The following ALG14 variants were observed in gnomAD, a reference collection of about 807,000 sequenced individuals.
ALG14 encodes UDP-N-acetylglucosamine transferase subunit ALG14.
ALG14 carries 17 observed loss-of-function variants against 22.8 expected under a neutral mutation model. The observed-to-expected ratio is 0.75, with a 90% CI of 0.51 to 1.12. The LOEUF (loss-of-function observed/expected upper bound fraction) is 1.12, where lower values mean the gene tolerates loss of function less well. Among genes scored for constraint, ALG14 ranks in the 50% most tolerant of loss-of-function variants. The pLI, the probability that ALG14 is intolerant of heterozygous loss-of-function variation, is 0.00. For missense variants in ALG14, 288 were observed against 271.8 expected (o/e 1.06, Z -0.42); for synonymous variants, 89 against 103.7 (o/e 0.86, Z 0.86).
At chr1:94,992,122 T>A (rs888995725) in intron 3 of ALG14, among the ~76,000 whole-genome samples, 2 of 152,102 alleles carry the variant, frequency 1.3e-5, no homozygotes, top group African/African-American at 4.8e-5. Flanking sequence ...GAGTACACTA[T>A]AAAATAATGA....
At chr1:95,043,564 C>A (rs1356050860) in intron 2 of ALG14, among the ~76,000 whole-genome samples, 2 of 152,160 alleles carry the variant, frequency 1.3e-5, no homozygotes, top group Non-Finnish European at 2.9e-5. Flanking sequence ...AGAACTAGTG[C>A]AGGTCAGCGG....
At chr1:94,994,675 G>A (rs1205531392) in intron 3 of ALG14, among the ~76,000 whole-genome samples, 2 of 152,152 alleles carry the variant, frequency 1.3e-5, no homozygotes, top group African/African-American at 4.8e-5. Context: ...TGAAGATTAG[G>A]CCAGGGTTCT....
Position 95,064,940 on chromosome 1 carries a change from C to T in ALG14, c.214G>A (p.Asp72Asn). 1 of 1,613,946 alleles carries T rather than the reference C, an allele frequency of 6.2e-7. No individual in the cohort carries two copies. The highest frequency in any genetic ancestry group is 2.2e-5 in the East Asian group (1 of 44,884). Residue 72 changes from aspartate (D) to asparagine (N), a missense_variant, in exon 2 of 4, where the codon GAC becomes AAC. By Grantham distance (23) the Asp-to-Asn change is conservative. Coordinates refer to ENST00000370205, the MANE Select transcript of ALG14 (RefSeq NM_144988.4). Reference sequence around the variant, plus strand: ...TTATTGGCACTCATTTCATCAGTGTCAGCAATGACATAATGTCTAGGTGAG... The same window carrying T: ...TTATTGGCACTCATTTCATCAGTGTTAGCAATGACATAATGTCTAGGTGAG... ...AYSPRHYVIA[D>N]TDEMSANKIN...
chr1:95,060,318 C>T (rs1182283140), intron 2 of ALG14, among the ~76,000 whole-genome samples: 2 of 151,068 alleles, frequency 1.3e-5, no homozygotes, highest in Non-Finnish European at 2.9e-5. Context: ...TTCTCTCTAA[C>T]AGTGGCTGCA....
chr1:95,042,305 T>TAC (rs34055488), intron 2 of ALG14, among the ~76,000 whole-genome samples: 6,064 of 150,276 alleles, frequency 0.04, 166 homozygotes, highest in African/African-American at 0.087. Context: ...GATTTAAACA[T>TAC]ACACACACAC....
rs189101030 is a variant in ALG14 at position 95,018,693 on chromosome 1, C to A, written c.420+8436G>T. On this transcript the variant is annotated intron_variant, in intron 3 of 3. Transcript: ENST00000370205. ...AGAGAGCAGGAAATTCACCCCCTAC[C>A]TTCTCCCAACCTCCAGCCCCTCCCA... Among the ~76,000 whole-genome samples the A allele has an allele frequency of 3.2e-4, 49 of 151,280 alleles. No individual in the cohort carries two copies. The East Asian group carries it at 6.4e-3, about 20-fold the overall frequency.
intron 2 of ALG14, among the ~76,000 whole-genome samples, chr1:95,061,383 CA>C (rs1387229100): frequency 2.6e-5 from 4 of 152,042 alleles, no homozygotes; most frequent in Non-Finnish European, 5.9e-5. Context: ...ATTTATATAC[CA>C]ATCTTGTTTG....
chr1:95,064,980 G>A lies in ALG14; in HGVS notation c.174C>T (p.Ser58=). The A allele has an allele frequency of 6.2e-7, 1 of 1,613,412 alleles. No individual in the cohort carries two copies. Among genetic ancestry groups the A allele is most frequent in the Non-Finnish European group, 8.5e-7 (1 of 1,179,624 alleles). The change falls in exon 2 of 4, where the codon AGC becomes AGT. Residue 58 remains serine, a synonymous_variant. Transcript: ENST00000370205. Reference sequence around the variant, plus strand: ...GTCTAGGTGAGTAGGCATTGGACAAGCTCCCAAGCAGCCTCAGGATCTCAG... The same window carrying A: ...GTCTAGGTGAGTAGGCATTGGACAAACTCCCAAGCAGCCTCAGGATCTCAG... ...HTTEILRLLG[S]LSNAYSPRHY...
chr1:95,002,246 G>A (rs570056218), intron 3 of ALG14, among the ~76,000 whole-genome samples: 2 of 150,880 alleles, frequency 1.3e-5, no homozygotes, highest in African/African-American at 4.9e-5. Flanking sequence ...TAAGTACCTG[G>A]GGGGGGGAAC....
chr1:95,063,708 G>A (rs1385644493), intron 2 of ALG14, among the ~76,000 whole-genome samples: 2 of 152,166 alleles, frequency 1.3e-5, no homozygotes, highest in Non-Finnish European at 1.5e-5. Context: ...TTTGAAGTCA[G>A]GTAGCATGAT....
chr1:95,021,394 C>T (rs1182468039), intron 3 of ALG14, among the ~76,000 whole-genome samples: 1 of 152,212 alleles, frequency 6.6e-6, no homozygotes, highest in Non-Finnish European at 1.5e-5. Context: ...TCCCTACTGA[C>T]TCTAGTTACA....
chr1:94,985,617 A>C (rs72720237), intron 3 of ALG14, among the ~76,000 whole-genome samples: 12,231 of 152,298 alleles, frequency 0.08, 519 homozygotes, highest in African/African-American at 0.11. Context: ...TCTTTAAAAA[A>C]ATGCACAAAT....
chr1:95,025,706 C>G (rs901335364), intron 3 of ALG14, among the ~76,000 whole-genome samples: 3 of 152,222 alleles, frequency 2.0e-5, no homozygotes, highest in Non-Finnish European at 4.4e-5. Context: ...GATGGCTTCT[C>G]TCCTTAAGTC....
chr1:94,983,116 T>C lies in ALG14; in HGVS notation c.611A>G (p.Glu204Gly), dbSNP rs3198368. The C allele has an allele frequency of 3.7e-6, 6 of 1,614,092 alleles. No individual in the cohort carries two copies. The highest frequency in any genetic ancestry group is 3.4e-6 in the Non-Finnish European group (4 of 1,180,038). Residue 204 changes from glutamate to glycine, a missense_variant, in exon 4 of 4, where the codon GAA becomes GGA. Transcript: ENST00000370205. ...YFIVQWPALKEKYPKSVYLGR... is the reference protein window; with the variant it reads ...YFIVQWPALKGKYPKSVYLGR... ...AAGGTACACCGATTTGGGATACTTT[T>C]CTTTCAGAGCCGGCCACTGAACAAT...
At position 95,037,034 on chromosome 1, in the gene ALG14, T is replaced by C. The variant is rs567239467; in HGVS notation, c.289-9774A>G. ...TTACCTCCAGAAGCTTCTCCTTGCC[T>C]GGTGGTCTGAGACTTCAGGGAAAAA... On this transcript the variant is annotated intron_variant, in intron 2 of 3. Coordinates refer to ENST00000370205, the MANE Select transcript of ALG14 (RefSeq NM_144988.4). 1.2e-3 allele frequency among the ~76,000 whole-genome samples: 186 copies of C among 152,328 alleles called. 2 individuals are homozygous for C. The highest frequency in any genetic ancestry group is 4.1e-3 in the African/African-American group (172 of 41,584).
chr1:95,006,450 A>G (rs575051749), intron 3 of ALG14, among the ~76,000 whole-genome samples: 3 of 152,346 alleles, frequency 2.0e-5, no homozygotes, highest in Admixed American at 2.0e-4. Flanking sequence ...TATAAATTGA[A>G]TTGAATACAA....
Position 94,981,469 on chromosome 1 carries a change from A to C in ALG14, c.*1607T>G, listed in dbSNP as rs1388904761. 9.5e-6 allele frequency: 1 copy of C among 105,614 alleles called. No individual in the cohort carries two copies. Among genetic ancestry groups the C allele is most frequent in the Non-Finnish European group, 2.0e-5 (1 of 49,270 alleles). The allele number at this position is 105,614 out of a possible 1,614,324, so 6.5% of individuals were successfully genotyped here. The stretch of plus-strand genomic sequence containing the variant: ...TTTGTTTTTTTTGCTTTTTTTTTTT[A>C]AAAAAAAAAAAAAGAAAAAAGGCTG... On this transcript the variant is annotated 3_prime_UTR_variant, in exon 4 of 4. Coordinates refer to ENST00000370205, the MANE Select transcript of ALG14 (RefSeq NM_144988.4).
intron 3 of ALG14, among the ~76,000 whole-genome samples, chr1:94,993,957 G>A (rs1345189558): frequency 6.6e-6 from 1 of 152,176 alleles, no homozygotes; most frequent in Non-Finnish European, 1.5e-5. Context: ...TAACTGCAGG[G>A]AAGACAAAAG....
At chr1:94,992,758 G>A (rs543041767) in intron 3 of ALG14, among the ~76,000 whole-genome samples, 9 of 152,186 alleles carry the variant, frequency 5.9e-5, no homozygotes, top group African/African-American at 1.9e-4. Context: ...AATTGGTAGC[G>A]GTGAAGTGGA....
Sources: allele counts gnomAD v4.1 joint callset (sites outside exome capture counted in the v4.1 genomes callset), GRCh38; gene constraint gnomAD v4.1.1; transcripts MANE v1.5; gene names NCBI Gene and HGNC (gene_info 2026-07-23, HGNC 2026-07-21).